Variants in PLEKHG1 observed in about 807,000 individuals in gnomAD.
PLEKHG1 encodes the protein pleckstrin homology domain-containing family G member 1.
PLEKHG1 carries 44 observed loss-of-function variants against 100.8 expected under a neutral mutation model. The observed-to-expected ratio is 0.44, with a 90% CI of 0.34 to 0.56. The LOEUF (loss-of-function observed/expected upper bound fraction) is 0.56, where lower values mean the gene tolerates loss of function less well. Ranked by LOEUF, PLEKHG1 falls within the 20% of genes least tolerant of loss-of-function variation. The pLI, the probability that PLEKHG1 is intolerant of heterozygous loss-of-function variation, is 0.01. For synonymous variants in PLEKHG1, 640 were observed against 662.5 expected (o/e 0.97, Z 0.52); for missense variants, 1,545 against 1,720.9 (o/e 0.90, Z 1.81).
intron 2 of PLEKHG1, among the ~76,000 whole-genome samples, chr6:150,647,106 T>G (rs781434276): frequency 6.6e-6 from 1 of 152,164 alleles, no homozygotes; most frequent in Non-Finnish European, 1.5e-5. Context: ...TAGGGAAAAT[T>G]TTTATGCTTT....
At chr6:150,612,044 T>C (rs1409776537) in intron 1 of PLEKHG1, among the ~76,000 whole-genome samples, 2 of 46,864 alleles carry the variant, frequency 4.3e-5, no homozygotes, top group Non-Finnish European at 8.2e-5. Flanking sequence ...CCTGGTGTTG[T>C]TCCCCCCCCC....
At chr6:150,715,176 TA>T (rs1781377397) in intron 3 of PLEKHG1, among the ~76,000 whole-genome samples, 2 of 152,220 alleles carry the variant, frequency 1.3e-5, no homozygotes, top group South Asian at 4.1e-4. Flanking sequence ...AAAAGGCCTT[TA>T]GAAATAATTT....
intron 14 of PLEKHG1, among the ~76,000 whole-genome samples, chr6:150,824,275 T>C (rs79064254): frequency 0.042 from 6,388 of 152,276 alleles, 460 homozygotes; most frequent in African/African-American, 0.15. Flanking sequence ...CTATGAAGAA[T>C]AGGTATTTTC....
rs546047359 is a variant in PLEKHG1, at chr6:150,746,974, C to T, written c.411+12882C>T. Among the ~76,000 whole-genome samples, 3 of 152,316 alleles carry T rather than the reference C, an allele frequency of 2.0e-5. No individual in the cohort carries two copies. The East Asian group carries it at 5.8e-4, about 29-fold the overall frequency. ...CTCTTAGGCTTTGCTTTTAAGGCAA[C>T]ATTTTGACTTTTAATGAACAGGCAT... On this transcript the variant is annotated intron_variant, in intron 2 of 15. Coordinates refer to ENST00000358517, the Ensembl canonical transcript of PLEKHG1.
rs55740953 is a variant in PLEKHG1, at chr6:150,811,635, T to TA, written c.1278+1916dup. Among the ~76,000 whole-genome samples, 1,383 of 139,534 alleles carry TA rather than the reference T, an allele frequency of 9.9e-3. 26 individuals are homozygous for TA. Among genetic ancestry groups the TA allele is most frequent in the South Asian group, 0.049 (209 of 4,308 alleles). The allele number at this position is 139,534 out of a possible 152,430, so 91.5% of individuals were successfully genotyped here. On this transcript the variant is annotated intron_variant, in intron 10 of 15. Transcript: ENST00000358517. ...GGAAACCAGACCTAGAGACCTGCAT[T>TA]AAAAAAAAAAAAAAAGAGAGAATGT...
At chr6:150,689,869 A>G (rs556674873) in intron 3 of PLEKHG1, among the ~76,000 whole-genome samples, 3 of 152,182 alleles carry the variant, frequency 2.0e-5, no homozygotes, top group South Asian at 4.2e-4. Context: ...AAAAAAAAAA[A>G]AAAGAAAAAC....
rs529679754 is a variant in PLEKHG1, at chr6:150,609,517, G to A, written c.-204+9500G>A. ...AAGGCAGCCAGTGTGTGTGTGTGGA[G>A]GAGGAGCAGTAAGCAGGAGATGAGG... On this transcript the variant is annotated intron_variant, in intron 1 of 3. Transcript: ENST00000367326. Among the ~76,000 whole-genome samples, 8 of 152,262 alleles carry A rather than the reference G, an allele frequency of 5.3e-5. No individual in the cohort carries two copies. The East Asian group carries it at 1.5e-3, about 29-fold the overall frequency.
intron 3 of PLEKHG1, among the ~76,000 whole-genome samples, chr6:150,712,735 T>G (rs908367749): frequency 6.6e-6 from 1 of 152,206 alleles, no homozygotes; most frequent in Admixed American, 6.5e-5. Flanking sequence ...TCAGCAAGTT[T>G]GGCTGTCAGC....
chr6:150,635,207 T>C (rs188685704), intron 1 of PLEKHG1, among the ~76,000 whole-genome samples: 3 of 152,340 alleles, frequency 2.0e-5, no homozygotes, highest in Non-Finnish European at 4.4e-5. Flanking sequence ...GGCAAGCAAG[T>C]AAATTGCAGC....
rs757491532 is a variant in PLEKHG1 at position 150,831,082 on chromosome 6, A to G, written c.1971A>G (p.Ile657Met). ...CCATAGAGTTGACTATTGATGACATAGACCATGTCTATGATAACATCAGTT... is the reference window on the plus strand; with the variant it reads ...CCATAGAGTTGACTATTGATGACATGGACCATGTCTATGATAACATCAGTT... Residue 657 changes from isoleucine to methionine, a missense_variant, in exon 15 of 16, where the codon ATA (isoleucine) becomes ATG (methionine). Coordinates refer to ENST00000358517, the Ensembl canonical transcript of PLEKHG1. This position sits in a 1 kb window ranked among gnomAD's most constrained non-coding sequence, Gnocchi z 4.1. 8.2e-5 allele frequency: 133 copies of G among 1,614,008 alleles called. No individual in the cohort carries two copies. The highest frequency in any genetic ancestry group is 1.1e-4 in the Non-Finnish European group (127 of 1,180,002).
chr6:150,820,612 C>T (rs1293958615), intron 12 of PLEKHG1, among the ~76,000 whole-genome samples: 1 of 152,088 alleles, frequency 6.6e-6, no homozygotes, highest in East Asian at 1.9e-4. Context: ...CACCTGTAAT[C>T]CCAGCATTTC....
At chr6:150,788,977 G>A (rs1747469085) in intron 4 of PLEKHG1, among the ~76,000 whole-genome samples, 1 of 152,204 alleles carries the variant, frequency 6.6e-6, no homozygotes, top group Admixed American at 6.5e-5. Flanking sequence ...TATGATTAGA[G>A]TGAATTTAAG....
At chr6:150,841,990 G>T (rs1010248831) in exon 16 of PLEKHG1, 6 of 152,100 alleles carry the variant, frequency 3.9e-5, no homozygotes, top group African/African-American at 1.2e-4. Context: ...TTGTTTTCAG[G>T]TATATTAAAG....
At chr6:150,806,829 CAAAAAAA>C (rs3072754) in intron 7 of PLEKHG1, among the ~76,000 whole-genome samples, 2 of 90,196 alleles carry the variant, frequency 2.2e-5, no homozygotes, top group Non-Finnish European at 4.5e-5. Context: ...GACTCCATCT[CAAAAAAA>C]AAAAAAAAAA....
chr6:150,626,772 A>G (rs918365362), intron 1 of PLEKHG1, among the ~76,000 whole-genome samples: 20 of 152,102 alleles, frequency 1.3e-4, no homozygotes, highest in Non-Finnish European at 8.8e-5. Flanking sequence ...AAGAGTTAAG[A>G]GTAGTTCCAT....
chr6:150,768,640 T>C (rs372147996), exon 3 of PLEKHG1: 14 of 1,593,156 alleles, frequency 8.8e-6, no homozygotes, highest in African/African-American at 1.3e-5. Flanking sequence ...TCTCACAGGA[T>C]TACCTTGACT....
upstream of PLEKHG1, among the ~76,000 whole-genome samples, chr6:150,716,107 CAA>C (rs10592056): frequency 0.49 from 67,025 of 137,240 alleles, 16,461 homozygotes; most frequent in African/African-American, 0.65. Flanking sequence ...GACTCCGTCT[CAA>C]AAAAAAAAAA....
upstream of PLEKHG1, among the ~76,000 whole-genome samples, chr6:150,716,962 C>T (rs530427103): frequency 1.4e-4 from 21 of 152,280 alleles, no homozygotes; most frequent in Middle Eastern, 3.4e-3. Flanking sequence ...AGCCATGCTC[C>T]GACCTCAGCC....
intron 1 of PLEKHG1, among the ~76,000 whole-genome samples, chr6:150,637,593 G>A (rs1778059653): frequency 2.0e-5 from 3 of 152,082 alleles, no homozygotes; most frequent in Admixed American, 2.0e-4. Context: ...TCTGAACTTT[G>A]AAGGCATTGC....
Sources: allele counts gnomAD v4.1 joint callset (sites outside exome capture counted in the v4.1 genomes callset), GRCh38; gene constraint gnomAD v4.1.1; non-coding constraint Gnocchi (gnomAD v3.1); transcripts MANE v1.5; gene names NCBI Gene and HGNC (gene_info 2026-07-23, HGNC 2026-07-21).